The following TAF5L variants were observed in gnomAD, a reference collection of about 807,000 sequenced individuals.
TAF5L encodes TATA-box binding protein associated factor 5 like, also known as TAF5-like RNA polymerase II p300/CBP-associated factor-associated factor 65 kDa subunit 5L.
A neutral mutation model predicts 51.3 loss-of-function variants in TAF5L; 7 were observed. The observed-to-expected ratio is 0.14, with a 90% confidence interval of 0.08 to 0.26. The LOEUF (loss-of-function observed/expected upper bound fraction) is 0.26. Among genes scored for constraint, TAF5L ranks in the 10% least tolerant of loss-of-function variants. The probability of loss-of-function intolerance (pLI) is 1.00; values close to 1 mark genes in which losing one functional copy is unlikely to be tolerated. For synonymous variants in TAF5L, 291 were observed against 308.1 expected, an observed-to-expected ratio of 0.94 and a Z score of 0.58; for missense variants, 575 against 758.9, an observed-to-expected ratio of 0.76 and a Z score of 2.85.
rs1467486768 is a variant in TAF5L at position 229,625,913 on chromosome 1, C to G, written c.-32G>C. 1 of 147,432 alleles carries G rather than the reference C, an allele frequency of 6.8e-6. No individual in the cohort carries two copies. Among genetic ancestry groups the G allele is most frequent in the East Asian group, 2.0e-4 (1 of 5,012 alleles). 9.1% of individuals were successfully genotyped at this position (147,432 alleles called of 1,614,324 possible). ...ACATCCCAGGCGGCTCCGGCTCCCC[C>G]CGCCGCCGCCGCCTCCGGGATCGGG... is the stretch of plus-strand genomic sequence containing the variant. On this transcript the variant is annotated 5_prime_UTR_variant, in exon 1 of 5. Transcript: ENST00000258281. The surrounding 1 kb of genome is among the most constrained non-coding windows in gnomAD (Gnocchi z 4.0).
intron 3 of TAF5L, among the ~76,000 whole-genome samples, chr1:229,605,109 T>C (rs1664536575): frequency 7.2e-6 from 1 of 139,694 alleles, no homozygotes; most frequent in Non-Finnish European, 1.6e-5. Flanking sequence ...TTTTTGTATG[T>C]ATATATATAT....
In TAF5L at chr1:229,605,869, G is replaced by T. The variant is rs184861259; in HGVS notation, c.248-2950C>A. Among the ~76,000 whole-genome samples the T allele has an allele frequency of 8.5e-5, 13 of 152,300 alleles. No individual in the cohort carries two copies. The East Asian group carries it at 2.5e-3, about 29-fold the overall frequency. On this transcript the variant is annotated intron_variant, in intron 3 of 4. Transcript: ENST00000258281. ...TTGAATGTGCCAAGCCTCCACAATT[G>T]CATGGAACAATTCCTTAAAGTAAAC... is the stretch of plus-strand genomic sequence containing the variant.
Position 229,602,522 on chromosome 1 carries a change from G to A in TAF5L, c.645C>T (p.Ser215=), listed in dbSNP as rs1296102218. 1.2e-6 allele frequency: 2 copies of A among 1,614,056 alleles called. No individual in the cohort carries two copies. The highest frequency in any genetic ancestry group is 2.7e-5 in the African/African-American group (2 of 74,936). Residue 215 remains serine (S), a synonymous_variant, in exon 4 of 5, where the codon TCC becomes TCT. Transcript: ENST00000258281. This position sits in a 1 kb window ranked among gnomAD's most constrained non-coding sequence, Gnocchi z 4.6. ...CCAAACCGTTGTTCTCACTGCGGGA[G>A]GAGCTGCCACTGGCATACAGCTGAT...
rs142135087 is a variant in TAF5L at position 229,602,661 on chromosome 1, T to C, written c.506A>G (p.Glu169Gly). ...GCGGATAAGGTAGTTGTAGCTGTCT[T>C]CTTGGAGACGGACCACGTACTTGTT... is the stretch of plus-strand genomic sequence containing the variant. Residue 169 changes from glutamate to glycine, a missense_variant, in exon 4 of 5, where the codon GAA becomes GGA. Glu to Gly is a moderately conservative substitution (Grantham distance 98, BLOSUM62 -2). This residue lies in a region of TAF5L where 380 missense variants were observed against 443.7 expected (regional missense o/e 0.86). Transcript: ENST00000258281. The surrounding 1 kb of genome is among the most constrained non-coding windows in gnomAD (Gnocchi z 4.6). 1.2e-6 allele frequency: 2 copies of C among 1,614,104 alleles called. No homozygotes were observed. Among genetic ancestry groups the C allele is most frequent in the Non-Finnish European group, 1.7e-6 (2 of 1,180,014 alleles).
At chr1:229,599,286 T>TA (rs397742815) in intron 4 of TAF5L, 2 of 736,620 alleles carry the variant, frequency 2.7e-6, no homozygotes, top group South Asian at 6.2e-5. Context: ...TTTTTTTTTT[T>TA]AAACTGAGAT....
Position 229,610,216 on chromosome 1 carries a change from G to C in TAF5L, c.143-6C>G. Reference sequence around the variant, plus strand: ...ACAACCAGATTCTGATTGCACTAAAGAGGAGAAGATACACAAGTCAGGGCG... The same window carrying C: ...ACAACCAGATTCTGATTGCACTAAACAGGAGAAGATACACAAGTCAGGGCG... On this transcript the variant is annotated splice_region_variant and splice_polypyrimidine_tract_variant and intron_variant, in intron 2 of 4. Transcript: ENST00000258281. 6.2e-7 allele frequency: 1 copy of C among 1,613,698 alleles called. No individual in the cohort carries two copies. The highest frequency in any genetic ancestry group is 8.5e-7 in the Non-Finnish European group (1 of 1,179,720).
intron 3 of TAF5L, chr1:229,607,464 C>T (rs912722167): frequency 2.0e-6 from 2 of 985,296 alleles, no homozygotes; most frequent in African/African-American, 1.7e-5. Context: ...TCAAGCCTGC[C>T]TTTTTGCTCA....
intron 4 of TAF5L, chr1:229,601,680 A>G (rs1240565136): frequency 1.0e-6 from 1 of 990,884 alleles, no homozygotes; most frequent in African/African-American, 1.8e-5. Flanking sequence ...CACTGGCCTC[A>G]GAAAGCCAAT....
intron 4 of TAF5L, chr1:229,601,038 A>G: frequency 1.0e-6 from 1 of 983,076 alleles, no homozygotes; most frequent in Non-Finnish European, 1.2e-6. Flanking sequence ...TCAAATACAA[A>G]TGTAATAAAA....
At chr1:229,615,067 T>C (rs1664930227) in intron 1 of TAF5L, among the ~76,000 whole-genome samples, 1 of 152,220 alleles carries the variant, frequency 6.6e-6, no homozygotes, top group Non-Finnish European at 1.5e-5. Context: ...AAATGTGTTT[T>C]CATTTTATTT....
At chr1:229,610,284 G>A in intron 2 of TAF5L, 74 bp from the exon 3 acceptor site, 1 of 1,358,096 alleles carries the variant, frequency 7.4e-7, no homozygotes, top group Non-Finnish European at 1.0e-6. Flanking sequence ...TGGCAGGATG[G>A]GTGAAGGAGG....
chr1:229,615,905 T>C (rs1371320653), intron 1 of TAF5L, among the ~76,000 whole-genome samples: 1 of 152,276 alleles, frequency 6.6e-6, no homozygotes, highest in African/African-American at 2.4e-5. Context: ...GGTTTCCCAG[T>C]TGTTTTGTGT....
chr1:229,609,737 T>C lies in TAF5L; in HGVS notation c.247+369A>G, dbSNP rs140346348. Among the ~76,000 whole-genome samples the C allele has an allele frequency of 1.5e-3, 231 of 152,350 alleles. 1 individual carries two copies. The highest frequency in any genetic ancestry group is 5.3e-3 in the African/African-American group (220 of 41,584). Reference sequence around the variant, plus strand: ...CTGTATTTAAGGATGCTTCTCTGCATAGCTGACAGTTTTTACTTATTCAAT... The same window carrying C: ...CTGTATTTAAGGATGCTTCTCTGCACAGCTGACAGTTTTTACTTATTCAAT... On this transcript the variant is annotated intron_variant, in intron 3 of 4. Transcript: ENST00000258281.
In TAF5L at chr1:229,594,612, A is replaced by G. The variant is rs1260969623; in HGVS notation, c.1455T>C (p.Ser485=). 1 of 1,614,232 alleles carries G rather than the reference A, an allele frequency of 6.2e-7. No individual in the cohort carries two copies. Among genetic ancestry groups the G allele is most frequent in the African/African-American group, 1.3e-5 (1 of 75,074 alleles). The change falls in exon 5 of 5, where the codon TCT becomes TCC. Residue 485 remains serine (S), a synonymous_variant. Transcript: ENST00000258281. This position sits in a 1 kb window ranked among gnomAD's most constrained non-coding sequence, Gnocchi z 7.9. ...GCTTCAACCGCTGGTCCTCGCCAGCAGACGCCAAGTACTTACCGTTGGGAG... is the reference window on the plus strand; with the variant it reads ...GCTTCAACCGCTGGTCCTCGCCAGCGGACGCCAAGTACTTACCGTTGGGAG...
Position 229,594,459 on chromosome 1 carries a change from G to A in TAF5L, c.1608C>T (p.Val536=). ...TGCAGTAAGTGTTCCTGATGTCCCA[G>A]ACGCGCACCGAGTTGTCCATGGAGG... Residue 536 remains valine, a synonymous_variant, in exon 5 of 5, where the codon GTC becomes GTT. Coordinates refer to ENST00000258281, the Ensembl canonical transcript of TAF5L. The surrounding 1 kb of genome is among the most constrained non-coding windows in gnomAD (Gnocchi z 7.9). 6 of 1,614,172 alleles carry A rather than the reference G, an allele frequency of 3.7e-6. No individual in the cohort carries two copies. Among genetic ancestry groups the A allele is most frequent in the Non-Finnish European group, 4.2e-6 (5 of 1,180,030 alleles).
At chr1:229,617,864 T>C (rs746139923) in intron 1 of TAF5L, among the ~76,000 whole-genome samples, 31 of 152,292 alleles carry the variant, frequency 2.0e-4, no homozygotes, top group Non-Finnish European at 3.4e-4. Context: ...GAGTCCAAAC[T>C]ACCATTTATG....
intron 1 of TAF5L, among the ~76,000 whole-genome samples, chr1:229,616,202 T>C (rs1664996107): frequency 6.6e-6 from 1 of 151,894 alleles, no homozygotes; most frequent in Non-Finnish European, 1.5e-5. Flanking sequence ...TTAGTAGAGA[T>C]GGGGTTTCAC....
intron 4 of TAF5L, among the ~76,000 whole-genome samples, chr1:229,596,496 A>T (rs1406872611): frequency 1.3e-5 from 2 of 152,188 alleles, no homozygotes; most frequent in African/African-American, 2.4e-5. Context: ...GGTCTCAAAA[A>T]ACATCTCCCC....
intron 2 of TAF5L, 23 bp downstream of exon 2, chr1:229,614,318 A>C (rs1366044926): frequency 6.2e-7 from 1 of 1,614,092 alleles, no homozygotes; most frequent in Non-Finnish European, 8.5e-7. Context: ...GGCTCACCCC[A>C]CCAGACGAGC....
Sources: allele counts gnomAD v4.1 joint callset (sites outside exome capture counted in the v4.1 genomes callset), GRCh38; gene constraint gnomAD v4.1.1; regional missense constraint gnomAD v4.1.1; non-coding constraint Gnocchi (gnomAD v3.1); transcripts MANE v1.5; gene names NCBI Gene and HGNC (gene_info 2026-07-23, HGNC 2026-07-21).